Variants in RAB31 observed in about 807,000 individuals in gnomAD.
RAB31 encodes the protein ras-related protein Rab-31.
In RAB31, 21 loss-of-function variants were observed where a neutral mutation model predicts 25.6. That is an observed-to-expected ratio of 0.82 (90% CI 0.58 to 1.18). The LOEUF (loss-of-function observed/expected upper bound fraction) is 1.18. Ranked by LOEUF, RAB31 falls within the 50% of genes most tolerant of loss-of-function variation. The probability of loss-of-function intolerance (pLI) is 0.00; values close to 1 mark genes in which losing one functional copy is unlikely to be tolerated. For missense variants in RAB31, 196 were observed against 250.1 expected, an observed-to-expected ratio of 0.78 and a Z score of 1.46; for synonymous variants, 87 against 84.0, an observed-to-expected ratio of 1.04 and a Z score of -0.20.
chr18:9,837,979 A>G (rs777487589), intron 5 of RAB31, among the ~76,000 whole-genome samples: 14 of 152,174 alleles, frequency 9.2e-5, no homozygotes, highest in African/African-American at 1.4e-4. Flanking sequence ...TCATTTCCTC[A>G]GTCTTTTTGG....
intron 5 of RAB31, among the ~76,000 whole-genome samples, chr18:9,836,148 G>A (rs180703199): frequency 1.4e-4 from 22 of 152,150 alleles, no homozygotes; most frequent in East Asian, 3.9e-4. Flanking sequence ...GCTCGTGGCC[G>A]GCTTAATTGG....
At chr18:9,765,179 C>G (rs2068309416) in intron 1 of RAB31, among the ~76,000 whole-genome samples, 1 of 152,178 alleles carries the variant, frequency 6.6e-6, no homozygotes, top group African/African-American at 2.4e-5. Context: ...TCTTGAACTC[C>G]TGGCCTCAAA....
intron 1 of RAB31, among the ~76,000 whole-genome samples, chr18:9,762,513 A>G (rs552046109): frequency 6.6e-6 from 1 of 152,314 alleles, no homozygotes; most frequent in East Asian, 1.9e-4. Flanking sequence ...GAAAGGTGGC[A>G]AAAAGACAGG....
chr18:9,829,175 A>G (rs1433076632), intron 5 of RAB31, among the ~76,000 whole-genome samples: 2 of 152,170 alleles, frequency 1.3e-5, no homozygotes, highest in Admixed American at 6.5e-5. Flanking sequence ...CCCTTCCCCA[A>G]TCGTATCCTC....
At chr18:9,712,744 TGCGTGC>T (rs2068024199) in intron 1 of RAB31, among the ~76,000 whole-genome samples, 3 of 1,574 alleles carry the variant, frequency 1.9e-3, no homozygotes, top group African/African-American at 0.014. Context: ...ACTTAAAAAC[TGCGTGC>T]ACTTAAAAAC....
intron 1 of RAB31, among the ~76,000 whole-genome samples, chr18:9,767,811 C>T (rs919028180): frequency 6.6e-6 from 1 of 152,058 alleles, no homozygotes; most frequent in African/African-American, 2.4e-5. Context: ...TGGTGGTTTG[C>T]TGCACCCATC....
intron 1 of RAB31, among the ~76,000 whole-genome samples, chr18:9,746,019 T>C (rs1485342823): frequency 6.6e-6 from 1 of 152,118 alleles, no homozygotes; most frequent in East Asian, 1.9e-4. Flanking sequence ...ATATAGAAAA[T>C]TTCAAAGAAT....
chr18:9,774,432 G>C (rs376979539), intron 1 of RAB31, among the ~76,000 whole-genome samples: 4 of 152,286 alleles, frequency 2.6e-5, no homozygotes, highest in African/African-American at 9.6e-5. Flanking sequence ...TCCATTGCTT[G>C]ATGTTTCCTG....
intron 5 of RAB31, among the ~76,000 whole-genome samples, chr18:9,829,506 T>A (rs2068666749): frequency 6.6e-6 from 1 of 152,252 alleles, no homozygotes; most frequent in African/African-American, 2.4e-5. Flanking sequence ...CTATGAACAT[T>A]GCTGCTTGAA....
intron 1 of RAB31, among the ~76,000 whole-genome samples, chr18:9,750,523 T>C (rs1201178296): frequency 2.6e-5 from 4 of 152,168 alleles, no homozygotes; most frequent in African/African-American, 9.7e-5. Context: ...GGCAGTTGCA[T>C]GCAAAACTGG....
chr18:9,730,748 C>G (rs1274467483), intron 1 of RAB31, among the ~76,000 whole-genome samples: 1 of 152,186 alleles, frequency 6.6e-6, no homozygotes, highest in Non-Finnish European at 1.5e-5. Context: ...TTGGGACATT[C>G]TGTATTGTCA....
rs3039678 is a variant in RAB31, at chr18:9,857,686, T to TGATAGATA, written c.491-1505_491-1498dup. Among the ~76,000 whole-genome samples, 345 of 114,142 alleles carry TGATAGATA rather than the reference T, an allele frequency of 3.0e-3. 1 individual carries two copies. Among genetic ancestry groups the TGATAGATA allele is most frequent in the South Asian group, 3.9e-3 (13 of 3,294 alleles). 74.9% of individuals were successfully genotyped at this position (114,142 alleles called of 152,430 possible). A position where few individuals can be genotyped will look rare whatever the true frequency, so the allele number is the denominator to read the frequency against. On this transcript the variant is annotated intron_variant, in intron 6 of 6. Transcript: ENST00000578921. ...ATAGATAGATAGATAGATAGATAGATGATAGATAGATAGATAGATAGATAG... is the reference window on the plus strand; with the variant it reads ...ATAGATAGATAGATAGATAGATAGATGATAGATAGATAGATAGATAGATAGATAGATAG...
chr18:9,843,201 C>A (rs10221353), intron 5 of RAB31, among the ~76,000 whole-genome samples: 1 of 152,090 alleles, frequency 6.6e-6, no homozygotes, highest in Non-Finnish European at 1.5e-5. Flanking sequence ...CCTCCTGCAC[C>A]CCATTGTGGG....
At chr18:9,749,822 A>G (rs2068225229) in intron 1 of RAB31, among the ~76,000 whole-genome samples, 1 of 152,186 alleles carries the variant, frequency 6.6e-6, no homozygotes, top group African/African-American at 2.4e-5. Flanking sequence ...GTAGGGGAGA[A>G]AAGTCCTCGT....
chr18:9,851,746 G>A (rs1319082948), intron 6 of RAB31, among the ~76,000 whole-genome samples: 13 of 152,214 alleles, frequency 8.5e-5, no homozygotes. Flanking sequence ...GATTCAAAAG[G>A]ATGACATAAA....
At chr18:9,848,230 C>T (rs1458347670) in intron 6 of RAB31, among the ~76,000 whole-genome samples, 3 of 152,176 alleles carry the variant, frequency 2.0e-5, no homozygotes, top group Non-Finnish European at 4.4e-5. Flanking sequence ...CTCCATCTGT[C>T]TGTCCATCTG....
At chr18:9,794,844 CAAAA>C (rs985157140) in intron 3 of RAB31, among the ~76,000 whole-genome samples, 1 of 151,428 alleles carries the variant, frequency 6.6e-6, no homozygotes, top group Non-Finnish European at 1.5e-5. Context: ...AAACAAAAAA[CAAAA>C]AAAGCAACTA....
At chr18:9,748,771 A>G (rs144197720) in intron 1 of RAB31, among the ~76,000 whole-genome samples, 2,568 of 151,330 alleles carry the variant, frequency 0.017, 70 homozygotes, top group African/African-American at 0.06. Flanking sequence ...TGTGCCTGTA[A>G]TCCCAGCTAC....
intron 3 of RAB31, among the ~76,000 whole-genome samples, chr18:9,803,870 C>G (rs731440): frequency 0.4 from 60,778 of 152,138 alleles, 12,186 homozygotes; most frequent in South Asian, 0.45. Context: ...GTGCCATTTG[C>G]GGGGGTTGTG....
Sources: allele counts gnomAD v4.1 joint callset (sites outside exome capture counted in the v4.1 genomes callset), GRCh38; gene constraint gnomAD v4.1.1; transcripts MANE v1.5; gene names NCBI Gene and HGNC (gene_info 2026-07-23, HGNC 2026-07-21).